The following PILRA variants were observed in gnomAD, a reference collection of about 807,000 sequenced individuals.
PILRA encodes the protein paired immunoglobin like type 2 receptor alpha.
PILRA carries 37 observed loss-of-function variants against 33.1 expected under a neutral mutation model. That is an observed-to-expected ratio of 1.12 (90% CI 0.86 to 1.47). PILRA has a LOEUF of 1.47. PILRA is among the 40% of genes most tolerant of loss of function. The pLI, the probability that PILRA is intolerant of heterozygous loss-of-function variation, is 0.00. For missense variants in PILRA, 312 were observed against 376.2 expected (o/e 0.83, Z 1.41); for synonymous variants, 146 against 149.9 (o/e 0.97, Z 0.19).
At chr7:100,394,973 C>T (rs1791465748) in intron 3 of PILRA, among the ~76,000 whole-genome samples, 2 of 152,104 alleles carry the variant, frequency 1.3e-5, no homozygotes, top group South Asian at 4.1e-4. Context: ...AATAGGACAA[C>T]ATTAAACTTA....
At chr7:100,383,647 A>AT (rs1442121931) in intron 2 of PILRA, among the ~76,000 whole-genome samples, 1 of 144,978 alleles carries the variant, frequency 6.9e-6, no homozygotes, top group Non-Finnish European at 1.5e-5. Context: ...TTTTTTTTTA[A>AT]TTTTTTTGTG....
rs554092102 is a variant in PILRA at position 100,391,416 on chromosome 7, G to A, written c.673+1310G>A. Among the ~76,000 whole-genome samples the A allele has an allele frequency of 7.0e-4, 107 of 152,224 alleles. 1 individual carries two copies. Among genetic ancestry groups the A allele is most frequent in the Non-Finnish European group, 1.3e-4 (9 of 68,020 alleles). ...AATGACACTTGGTTGGTTGGGCAGGGTGGCTCATGCCTGTAATCTCAACAC... is the reference window on the plus strand; with the variant it reads ...AATGACACTTGGTTGGTTGGGCAGGATGGCTCATGCCTGTAATCTCAACAC... On this transcript the variant is annotated intron_variant, in intron 3 of 6. Coordinates refer to ENST00000198536, the MANE Select transcript of PILRA (RefSeq NM_013439.3).
At chr7:100,371,932 T>G (rs965833849), upstream of PILRA, among the ~76,000 whole-genome samples, 1 of 152,216 alleles carries the variant, frequency 6.6e-6, no homozygotes, top group African/African-American at 2.4e-5. Context: ...AGACTGCACG[T>G]GGCAGCATTG....
At chr7:100,389,110 G>A (rs1203503020) in intron 2 of PILRA, among the ~76,000 whole-genome samples, 1 of 152,034 alleles carries the variant, frequency 6.6e-6, no homozygotes, top group African/African-American at 2.4e-5. Flanking sequence ...TCTATATCTT[G>A]AAATAAATAA....
At chr7:100,376,951 A>G (rs1584211798) in intron 2 of PILRA, among the ~76,000 whole-genome samples, 1 of 151,092 alleles carries the variant, frequency 6.6e-6, no homozygotes, top group Admixed American at 6.6e-5. Flanking sequence ...TTTTGTAGTC[A>G]TGGGATTTTG....
At chr7:100,380,078 C>G (rs1346218747) in intron 2 of PILRA, among the ~76,000 whole-genome samples, 1 of 152,182 alleles carries the variant, frequency 6.6e-6, no homozygotes, top group Non-Finnish European at 1.5e-5. Context: ...TTCCCCTACC[C>G]TAGCCCAAAG....
rs1418160042 is a variant in PILRA at position 100,389,977 on chromosome 7, C to T, written c.544C>T (p.Gln182Ter). ...TTTTTGLRVT[Q>*]GKRRSDSWHI... is the part of the protein sequence containing the mutation. ...CACCACAACCGGCCTCAGGGTCACA[C>T]AGGGCAAACGACGCTCAGACTCTTG... is the stretch of plus-strand genomic sequence containing the variant. The change falls in exon 3 of 7, where the codon CAG becomes TAG. Residue 182 changes from glutamine to a stop codon, truncating the protein, a stop_gained. Transcript: ENST00000198536. LOFTEE classifies it high-confidence loss of function. 2.5e-6 allele frequency: 4 copies of T among 1,614,086 alleles called. No individual in the cohort carries two copies. In the South Asian group the frequency reaches 3.3e-5, roughly 13 times the overall value.
In PILRA at chr7:100,397,923, G is replaced by A; in HGVS notation, c.707+11G>A. 6.2e-7 allele frequency: 1 copy of A among 1,613,830 alleles called. No homozygotes were observed. The highest frequency in any genetic ancestry group is 8.5e-7 in the Non-Finnish European group (1 of 1,179,772). ...CACAACCCCAGCCAGGTGAGTGCTG[G>A]GCCTCCCCAGGGTGGGTTGGGGGGT... On this transcript the variant is annotated intron_variant, in intron 4 of 6. Coordinates refer to ENST00000198536, the MANE Select transcript of PILRA (RefSeq NM_013439.3).
In PILRA at chr7:100,399,333, G is replaced by C; in HGVS notation, c.750G>C (p.Arg250Ser). Residue 250 changes from arginine (R) to serine (S), a missense_variant, in exon 5 of 7, where the codon AGG becomes AGC. Arg to Ser is a moderately radical substitution (Grantham distance 110). Coordinates refer to ENST00000198536, the MANE Select transcript of PILRA (RefSeq NM_013439.3). ...QNTEEPYENI[R>S]NEGQNTDPKL... ...CAGAGGAGCCATATGAGAATATCAG[G>C]AATGAAGGTGAGTCCTTACCACCAT... The C allele has an allele frequency of 1.2e-6, 2 of 1,612,214 alleles. No individual in the cohort carries two copies. The highest frequency in any genetic ancestry group is 8.5e-7 in the Non-Finnish European group (1 of 1,178,408).
chr7:100,380,439 A>C (rs1164981384), intron 2 of PILRA, among the ~76,000 whole-genome samples: 2 of 152,230 alleles, frequency 1.3e-5, no homozygotes, highest in East Asian at 3.8e-4. Context: ...GTGCTTTACA[A>C]AGGAACTTGC....
At chr7:100,388,522 C>T (rs1198687280) in intron 2 of PILRA, among the ~76,000 whole-genome samples, 2 of 151,566 alleles carry the variant, frequency 1.3e-5, no homozygotes, top group African/African-American at 2.4e-5. Flanking sequence ...CACCTGAAGT[C>T]AGGAGTTGGA....
chr7:100,381,724 T>C (rs1009117180), intron 2 of PILRA, among the ~76,000 whole-genome samples: 2 of 151,750 alleles, frequency 1.3e-5, no homozygotes, highest in South Asian at 4.2e-4. Flanking sequence ...CAGGCAGGTG[T>C]GGAGGGAGAG....
At chr7:100,385,245 G>C (rs960373058) in intron 2 of PILRA, among the ~76,000 whole-genome samples, 37 of 152,296 alleles carry the variant, frequency 2.4e-4, no homozygotes, top group African/African-American at 8.9e-4. Context: ...AGGTGCAGGA[G>C]GCTGCTGTTT....
chr7:100,389,052 G>C (rs1202557720), intron 2 of PILRA, among the ~76,000 whole-genome samples: 1 of 152,008 alleles, frequency 6.6e-6, no homozygotes, highest in Non-Finnish European at 1.5e-5. Flanking sequence ...TTTCAAGAGA[G>C]AGCTATCTTT....
At position 100,389,972 on chromosome 7, in the gene PILRA, T is replaced by G; in HGVS notation, c.539T>G (p.Val180Gly). 1 of 1,613,690 alleles carries G rather than the reference T, an allele frequency of 6.2e-7. No homozygotes were observed. Among genetic ancestry groups the G allele is most frequent in the Non-Finnish European group, 8.5e-7 (1 of 1,179,912 alleles). Residue 180 changes from valine to glycine, a missense_variant, in exon 3 of 7, where the codon GTC becomes GGC. Coordinates refer to ENST00000198536, the MANE Select transcript of PILRA (RefSeq NM_013439.3). ...ACAACCACCACAACCGGCCTCAGGG[T>G]CACACAGGGCAAACGACGCTCAGAC... Reference protein sequence around the residue: ...SSTTTTTGLRVTQGKRRSDSW... With the variant: ...SSTTTTTGLRGTQGKRRSDSW...
At chr7:100,374,949 G>C (rs1229190517) in intron 2 of PILRA, among the ~76,000 whole-genome samples, 1 of 151,970 alleles carries the variant, frequency 6.6e-6, no homozygotes, top group Admixed American at 6.6e-5. Flanking sequence ...GCAGTCCCTG[G>C]GTCAAGCCCT....
intron 2 of PILRA, among the ~76,000 whole-genome samples, chr7:100,387,449 G>A (rs1791279415): frequency 6.6e-6 from 1 of 152,154 alleles, no homozygotes; most frequent in Admixed American, 6.5e-5. Context: ...CCTGACCTCA[G>A]GTGATCTGCT....
intron 2 of PILRA, among the ~76,000 whole-genome samples, chr7:100,389,248 C>T (rs757311070): frequency 3.3e-5 from 5 of 152,094 alleles, no homozygotes; most frequent in Non-Finnish European, 7.3e-5. Context: ...TAGAGTTTTT[C>T]ACAATCAGAA....
intron 4 of PILRA, among the ~76,000 whole-genome samples, chr7:100,398,239 T>C (rs1398738106): frequency 6.6e-6 from 1 of 152,188 alleles, no homozygotes; most frequent in Admixed American, 6.5e-5. Context: ...ACCTGCTTCC[T>C]CTCAGCCTGG....
Sources: allele counts gnomAD v4.1 joint callset (sites outside exome capture counted in the v4.1 genomes callset), GRCh38; gene constraint gnomAD v4.1.1; transcripts MANE v1.5; gene names NCBI Gene and HGNC (gene_info 2026-07-23, HGNC 2026-07-21).